Variants in SLC14A2 observed in about 807,000 individuals in gnomAD.
The protein encoded by SLC14A2 is solute carrier family 14 member 2.
SLC14A2 carries 91 observed loss-of-function variants against 104.6 expected under a neutral mutation model. That is an observed-to-expected ratio of 0.87 (90% confidence interval 0.73 to 1.04). The LOEUF is 1.04. Ranked by LOEUF, SLC14A2 falls within the 50% of genes least tolerant of loss-of-function variation. The probability of loss-of-function intolerance (pLI) is 0.00; values close to 1 mark genes in which losing one functional copy is unlikely to be tolerated. For missense variants in SLC14A2, 1,189 were observed against 1,156.0 expected (o/e 1.03, Z -0.41); for synonymous variants, 476 against 466.4 (o/e 1.02, Z -0.27).
intron 2 of SLC14A2, among the ~76,000 whole-genome samples, chr18:45,596,127 C>T (rs1039665831): frequency 6.6e-6 from 1 of 152,214 alleles, no homozygotes; most frequent in African/African-American, 2.4e-5. Flanking sequence ...GTAAACTCTG[C>T]CTGTGTACCC....
chr18:45,567,154 C>T (rs2044279211), intron 2 of SLC14A2, among the ~76,000 whole-genome samples: 1 of 150,834 alleles, frequency 6.6e-6, no homozygotes, highest in Admixed American at 6.6e-5. Context: ...TTGAGGGGTA[C>T]CCATTTGGAA....
At chr18:45,309,658 G>A (rs2085058246) in intron 1 of SLC14A2, among the ~76,000 whole-genome samples, 1 of 152,112 alleles carries the variant, frequency 6.6e-6, no homozygotes, top group Non-Finnish European at 1.5e-5. Context: ...AAAGTGCTCA[G>A]AGCATTAGTT....
chr18:45,389,889 A>C (rs2085941541), intron 1 of SLC14A2, among the ~76,000 whole-genome samples: 1 of 152,186 alleles, frequency 6.6e-6, no homozygotes, highest in Admixed American at 6.5e-5. Context: ...CCAAACTTTA[A>C]TCTTCGAGAA....
At chr18:45,435,843 C>T (rs995593697) in intron 1 of SLC14A2, among the ~76,000 whole-genome samples, 9 of 152,236 alleles carry the variant, frequency 5.9e-5, no homozygotes, top group African/African-American at 2.2e-4. Flanking sequence ...TGTTGCAATC[C>T]AAACTGGTTT....
intron 1 of SLC14A2, among the ~76,000 whole-genome samples, chr18:45,363,108 C>T (rs1202333201): frequency 1.3e-5 from 2 of 152,170 alleles, no homozygotes; most frequent in African/African-American, 4.8e-5. Context: ...ATTTCCCAAA[C>T]CCCATTTCAC....
At chr18:45,489,116 T>C (rs2052371) in intron 2 of SLC14A2, among the ~76,000 whole-genome samples, 28,870 of 152,254 alleles carry the variant, frequency 0.19, 3,273 homozygotes, top group African/African-American at 0.32. Context: ...AGAAACATCA[T>C]TGCCTTTCTG....
At chr18:45,196,839 G>A in the SLC14A2 span, among the ~76,000 whole-genome samples, 56,840 of 152,068 alleles carry the variant, frequency 0.37, 11,676 homozygotes, top group Non-Finnish European at 0.48. Context: ...TTTACTTGGC[G>A]AATAGAACTA....
intron 1 of SLC14A2, among the ~76,000 whole-genome samples, chr18:45,457,958 C>T (rs988399): frequency 0.29 from 43,446 of 151,930 alleles, 6,648 homozygotes; most frequent in Admixed American, 0.44. Context: ...GGAAAGTTGC[C>T]GGGAGAGGTG....
At chr18:45,280,632 C>T (rs996708516) in intron 1 of SLC14A2, among the ~76,000 whole-genome samples, 2 of 152,136 alleles carry the variant, frequency 1.3e-5, no homozygotes, top group Non-Finnish European at 2.9e-5. Context: ...TCTGGTTGAG[C>T]TCTGCTCCCT....
intron 1 of SLC14A2, among the ~76,000 whole-genome samples, chr18:45,269,185 A>T (rs987734741): frequency 2.0e-5 from 3 of 152,036 alleles, no homozygotes; most frequent in African/African-American, 7.2e-5. Flanking sequence ...GGCCCTCTTC[A>T]CTCAAAAGCA....
chr18:45,267,636 A>G (rs568731538), intron 1 of SLC14A2, among the ~76,000 whole-genome samples: 1 of 152,342 alleles, frequency 6.6e-6, no homozygotes, highest in Non-Finnish European at 1.5e-5. Flanking sequence ...GTCAAAGAAC[A>G]TCAGACCTGT....
At chr18:45,665,121 A>C (rs999139824) in intron 11 of SLC14A2, among the ~76,000 whole-genome samples, 1 of 152,216 alleles carries the variant, frequency 6.6e-6, no homozygotes, top group African/African-American at 2.4e-5. Context: ...CCTCCCAAAC[A>C]CACTGGTATC....
chr18:45,368,218 G>A (rs1028855319), intron 1 of SLC14A2, among the ~76,000 whole-genome samples: 1 of 152,186 alleles, frequency 6.6e-6, no homozygotes, highest in Non-Finnish European at 1.5e-5. Context: ...CCTCTCAAGA[G>A]AGTGACATGC....
intron 8 of SLC14A2, 73 bp downstream of exon 8, chr18:45,641,416 G>A: frequency 6.5e-7 from 1 of 1,543,678 alleles, no homozygotes; most frequent in Non-Finnish European, 8.9e-7. Context: ...TGAAACCCAT[G>A]GGGACCACTA....
chr18:45,651,241 A>G (rs1434278390), intron 10 of SLC14A2, among the ~76,000 whole-genome samples: 2 of 152,196 alleles, frequency 1.3e-5, no homozygotes, highest in African/African-American at 4.8e-5. Flanking sequence ...GAAAGAGTAC[A>G]AAGAAAAATG....
chr18:45,298,816 C>G (rs772470004), intron 1 of SLC14A2, among the ~76,000 whole-genome samples: 2 of 152,114 alleles, frequency 1.3e-5, no homozygotes, highest in African/African-American at 4.8e-5. Flanking sequence ...AGTGGGGGAC[C>G]TTGTGCCCCC....
At chr18:45,532,997 C>T (rs1445556686) in intron 2 of SLC14A2, among the ~76,000 whole-genome samples, 5 of 151,842 alleles carry the variant, frequency 3.3e-5, no homozygotes, top group South Asian at 2.1e-4. Flanking sequence ...TGCTGGATTA[C>T]GTTTATTGAT....
intron 1 of SLC14A2, among the ~76,000 whole-genome samples, chr18:45,412,149 T>C (rs912972405): frequency 6.6e-6 from 1 of 152,208 alleles, no homozygotes; most frequent in Admixed American, 6.5e-5. Flanking sequence ...TGGCATAAGC[T>C]GCTGAACAAC....
intron 1 of SLC14A2, chr18:45,482,603 C>T (rs1598892463): frequency 6.6e-6 from 1 of 152,318 alleles, no homozygotes; most frequent in African/African-American, 2.4e-5. Context: ...GACACACGGG[C>T]ATTTCTGTAG....
Sources: allele counts gnomAD v4.1 joint callset (sites outside exome capture counted in the v4.1 genomes callset), GRCh38; gene constraint gnomAD v4.1.1; transcripts MANE v1.5; gene names NCBI Gene and HGNC (gene_info 2026-07-23, HGNC 2026-07-21).